TMEM38A: variants seen among roughly 807,000 people sequenced by gnomAD.
TMEM38A encodes the protein trimeric intracellular cation channel type A.
TMEM38A carries 17 observed loss-of-function variants against 28.6 expected under a neutral mutation model. The observed-to-expected ratio is 0.60, with a 90% CI of 0.41 to 0.89. The LOEUF (loss-of-function observed/expected upper bound fraction) is 0.89, where lower values mean the gene tolerates loss of function less well. Ranked by LOEUF, TMEM38A falls within the 40% of genes least tolerant of loss-of-function variation. The probability of loss-of-function intolerance (pLI) is 0.00; values close to 1 mark genes in which losing one functional copy is unlikely to be tolerated. For synonymous variants in TMEM38A, 169 were observed against 166.1 expected (o/e 1.02, Z -0.14); for missense variants, 328 against 393.1 (o/e 0.83, Z 1.40).
intron 4 of TMEM38A, among the ~76,000 whole-genome samples, chr19:16,683,902 G>A (rs541991019): frequency 2.0e-5 from 3 of 151,298 alleles, no homozygotes; most frequent in East Asian, 3.9e-4. Flanking sequence ...TCTGGGAGGC[G>A]GAGGTTGCAG....
rs1181537426 is a variant in TMEM38A, at chr19:16,689,831, G to A, written c.*1460G>A. 4 of 152,204 alleles carry A rather than the reference G, an allele frequency of 2.6e-5. No individual in the cohort carries two copies. The highest frequency in any genetic ancestry group is 5.9e-5 in the Non-Finnish European group (4 of 68,118). 9.4% of individuals were successfully genotyped at this position (152,204 alleles called of 1,614,324 possible). ...GATGTCTGAGAGGGGTGGGTGCATG[G>A]GACGGGCGTGGCCAGTCTCAGGTGA... On this transcript the variant is annotated 3_prime_UTR_variant, in exon 6 of 6. Coordinates refer to ENST00000187762, the MANE Select transcript of TMEM38A (RefSeq NM_024074.4).
Position 16,671,201 on chromosome 19 carries a change from C to CTTTTTTTTTTTTTTTTT in TMEM38A, c.125-8777_125-8761dup, listed in dbSNP as rs34550977. Reference sequence around the variant, plus strand: ...GTATGGAAAGGGGAAAGGACCTGGGCTTTTTTTTTTTTTTTTTTTTTTGAG... The same window carrying CTTTTTTTTTTTTTTTTT: ...GTATGGAAAGGGGAAAGGACCTGGGCTTTTTTTTTTTTTTTTTTTTTTTTTTTTTTTTTTTTTTTGAG... On this transcript the variant is annotated intron_variant, in intron 1 of 5. Transcript: ENST00000187762. 2.5e-3 allele frequency among the ~76,000 whole-genome samples: 210 copies of CTTTTTTTTTTTTTTTTT among 84,852 alleles called. 29 individuals carry two copies. Among genetic ancestry groups the CTTTTTTTTTTTTTTTTT allele is most frequent in the African/African-American group, 7.8e-3 (118 of 15,126 alleles). 55.7% of individuals were successfully genotyped at this position (84,852 alleles called of 152,430 possible).
chr19:16,674,950 G>A (rs957259391), intron 1 of TMEM38A, among the ~76,000 whole-genome samples: 8 of 152,230 alleles, frequency 5.3e-5, no homozygotes, highest in East Asian at 1.9e-4. Context: ...CTGAACTCAC[G>A]GAGGGATGAA....
chr19:16,682,487 A>G lies in TMEM38A; in HGVS notation c.533A>G (p.Asn178Ser). 6.2e-7 allele frequency: 1 copy of G among 1,614,030 alleles called. No homozygotes were observed. The highest frequency in any genetic ancestry group is 1.7e-4 in the Middle Eastern group (1 of 6,060). The change falls in exon 4 of 6, where the codon AAC (asparagine) becomes AGC (serine). Residue 178 changes from asparagine to serine, a missense_variant. Physicochemically the swap from Asn to Ser is conservative, Grantham distance 46. Transcript: ENST00000187762. ...LLRGVWKPET[N>S]EILHMSFPTK... ...CGAGGGGTCTGGAAGCCAGAGACCA[A>G]CGAGATCCTGCACATGTCTTTGTGA...
rs878950283 is a variant in TMEM38A at position 16,688,203 on chromosome 19, C to T, written c.732C>T (p.Ile244=). Residue 244 remains isoleucine, a synonymous_variant, in exon 6 of 6, where the codon ATC becomes ATT. Coordinates refer to ENST00000187762, the MANE Select transcript of TMEM38A (RefSeq NM_024074.4). ...SSPFDALEGY[I]CPVLFGSACG... ...CCTTTGATGCCCTGGAGGGCTACAT[C>T]TGCCCCGTGCTGTTTGGTTCGGCCT... 1 of 1,544,750 alleles carries T rather than the reference C, an allele frequency of 6.5e-7. No homozygotes were observed. The highest frequency in any genetic ancestry group is 2.4e-5 in the East Asian group (1 of 40,988).
At chr19:16,685,568 G>C (rs2086798398) in intron 4 of TMEM38A, among the ~76,000 whole-genome samples, 1 of 152,152 alleles carries the variant, frequency 6.6e-6, no homozygotes, top group Non-Finnish European at 1.5e-5. Flanking sequence ...TCTGAGCCTG[G>C]GTATCCAGGA....
At chr19:16,682,627 C>A in intron 4 of TMEM38A, 119 bp downstream of exon 4, 1 of 832,738 alleles carries the variant, frequency 1.2e-6, no homozygotes, top group Non-Finnish European at 2.0e-6. Flanking sequence ...CTTTCAGGAG[C>A]TTTCAGAGGC....
At position 16,678,848 on chromosome 19, in the gene TMEM38A, T is replaced by C. The variant is rs1239760307; in HGVS notation, c.125-1136T>C. Among the ~76,000 whole-genome samples the C allele has an allele frequency of 4.1e-5, 6 of 146,288 alleles. No individual in the cohort carries two copies. In the South Asian group the frequency reaches 1.3e-3, roughly 32 times the overall value. On this transcript the variant is annotated intron_variant, in intron 1 of 5. Transcript: ENST00000187762. ...AAAAAATTCTTTTTAAGACAGCAGG[T>C]GTAAGAATACCAGCATAAGGCTGGG...
chr19:16,667,539 C>CCAGA (rs2122577169), intron 1 of TMEM38A, among the ~76,000 whole-genome samples: 1 of 152,212 alleles, frequency 6.6e-6, no homozygotes, highest in Non-Finnish European at 1.5e-5. Flanking sequence ...CACCTACACA[C>CCAGA]CAGACTCACC....
chr19:16,669,753 A>G (rs1401583171), intron 1 of TMEM38A, among the ~76,000 whole-genome samples: 1 of 152,050 alleles, frequency 6.6e-6, no homozygotes, highest in Admixed American at 6.6e-5. Flanking sequence ...TCAGTACCCC[A>G]TGCTTCATAC....
intron 3 of TMEM38A, among the ~76,000 whole-genome samples, chr19:16,681,217 G>T (rs1360594047): frequency 6.6e-6 from 1 of 152,122 alleles, no homozygotes; most frequent in Non-Finnish European, 1.5e-5. Context: ...CAGCCTAGGA[G>T]TTCAACATTA....
At chr19:16,672,571 C>T (rs549985023) in intron 1 of TMEM38A, among the ~76,000 whole-genome samples, 2 of 150,540 alleles carry the variant, frequency 1.3e-5, no homozygotes, top group African/African-American at 4.9e-5. Context: ...GTCTCAGCTT[C>T]CCAAGTAGCT....
chr19:16,679,557 T>G (rs2086770568), intron 1 of TMEM38A, among the ~76,000 whole-genome samples: 1 of 152,024 alleles, frequency 6.6e-6, no homozygotes, highest in Non-Finnish European at 1.5e-5. Flanking sequence ...ACTCCCAAAG[T>G]GCTGGGATTA....
intron 1 of TMEM38A, among the ~76,000 whole-genome samples, chr19:16,675,701 G>A (rs145970761): frequency 0.01 from 1,549 of 151,402 alleles, 26 homozygotes; most frequent in African/African-American, 0.035. Context: ...GGCGCCTCCC[G>A]CAACGCCCAG....
intron 1 of TMEM38A, among the ~76,000 whole-genome samples, chr19:16,665,924 T>G (rs1462425445): frequency 6.6e-6 from 1 of 151,912 alleles, no homozygotes; most frequent in Non-Finnish European, 1.5e-5. Context: ...TTCTCCTGCC[T>G]TAGCCTCCTA....
intron 4 of TMEM38A, among the ~76,000 whole-genome samples, chr19:16,685,557 T>A (rs537982197): frequency 6.6e-6 from 1 of 152,354 alleles, no homozygotes; most frequent in African/African-American, 2.4e-5. Context: ...AGGGAAGCTC[T>A]TCTGAGCCTG....
rs376286442 is a variant in TMEM38A at position 16,680,521 on chromosome 19, C to T, written c.406C>T (p.His136Tyr). Residue 136 changes from histidine to tyrosine, a missense_variant, in exon 3 of 6, where the codon CAC (histidine) becomes TAC (tyrosine). By Grantham distance (83) the His-to-Tyr change is moderately conservative. Coordinates refer to ENST00000187762, the MANE Select transcript of TMEM38A (RefSeq NM_024074.4). The stretch of plus-strand genomic sequence containing the variant: ...CCGCAAGATCGCGGTGGGCATCCAT[C>T]ACGCCCATCACCACTACCACCACGG... ...RVRKIAVGIH[H>Y]AHHHYHHGWF... The T allele has an allele frequency of 8.1e-6, 13 of 1,614,040 alleles. No individual in the cohort carries two copies. The African/African-American group carries it at 1.5e-4, about 18-fold the overall frequency.
In TMEM38A at chr19:16,669,233, G is replaced by A. The variant is rs565774850; in HGVS notation, c.124+7892G>A. The stretch of plus-strand genomic sequence containing the variant: ...AACTTTTTTTTTTTTTTTTTGAGAC[G>A]GAGTCACTCTGTTGCCAGGCTGGAG... On this transcript the variant is annotated intron_variant, in intron 1 of 5. Coordinates refer to ENST00000187762, the MANE Select transcript of TMEM38A (RefSeq NM_024074.4). Among the ~76,000 whole-genome samples the A allele has an allele frequency of 1.3e-3, 188 of 141,548 alleles. 2 individuals are homozygous for A. The highest frequency in any genetic ancestry group is 1.9e-3 in the Non-Finnish European group (123 of 65,248). 92.9% of individuals were successfully genotyped at this position (141,548 alleles called of 152,430 possible). A position where few individuals can be genotyped will look rare whatever the true frequency, so the allele number is the denominator to read the frequency against.
intron 5 of TMEM38A, 126 bp from the exon 6 acceptor site, chr19:16,688,018 C>A: frequency 1.5e-6 from 1 of 653,438 alleles, no homozygotes; most frequent in Non-Finnish European, 2.4e-6. Context: ...TGGGTCTGGG[C>A]TACCTCCAAC....
Sources: allele counts gnomAD v4.1 joint callset (sites outside exome capture counted in the v4.1 genomes callset), GRCh38; gene constraint gnomAD v4.1.1; transcripts MANE v1.5; gene names NCBI Gene and HGNC (gene_info 2026-07-23, HGNC 2026-07-21).